The following SFMBT2 variants were observed in gnomAD, a reference collection of about 807,000 sequenced individuals.
SFMBT2 encodes the protein Scm like with four mbt domains 2.
SFMBT2 carries 38 observed loss-of-function variants against 110.1 expected under a neutral mutation model. The observed-to-expected ratio is 0.35, with a 90% CI of 0.27 to 0.45. SFMBT2 has a LOEUF of 0.45. Among genes scored for constraint, SFMBT2 ranks in the 20% least tolerant of loss-of-function variants. The pLI, the probability that SFMBT2 is intolerant of heterozygous loss-of-function variation, is 1.00. For synonymous variants in SFMBT2, 425 were observed against 425.4 expected (o/e 1.00, Z 0.01); for missense variants, 1,011 against 1,094.9 (o/e 0.92, Z 1.08).
At chr10:7,389,557 C>CTA (rs1845712979) in intron 1 of SFMBT2, among the ~76,000 whole-genome samples, 1 of 152,184 alleles carries the variant, frequency 6.6e-6, no homozygotes, top group Non-Finnish European at 1.5e-5. Flanking sequence ...GTTAACTCTA[C>CTA]TATAATAGGC....
intron 1 of SFMBT2, among the ~76,000 whole-genome samples, chr10:7,397,272 A>C (rs1373565348): frequency 6.6e-6 from 1 of 152,082 alleles, no homozygotes; most frequent in East Asian, 1.9e-4. Context: ...TGCCTTCAAG[A>C]GGTCCAAGAA....
At chr10:7,169,909 T>C (rs1276172749) in intron 20 of SFMBT2, among the ~76,000 whole-genome samples, 3 of 152,318 alleles carry the variant, frequency 2.0e-5, no homozygotes, top group Non-Finnish European at 2.9e-5. Context: ...TCGACTGTTA[T>C]TGCATTTGTC....
chr10:7,340,642 C>A (rs369775604), intron 4 of SFMBT2, among the ~76,000 whole-genome samples: 1,371 of 98,856 alleles, frequency 0.014, 18 homozygotes, highest in African/African-American at 0.052. Context: ...GGCAACAGAA[C>A]AAGAACCTAT....
Position 7,171,682 on chromosome 10 carries a change from G to T in SFMBT2, c.2415+213C>A. On this transcript the variant is annotated intron_variant, in intron 19 of 20. Coordinates refer to ENST00000397167, the MANE Select transcript of SFMBT2 (RefSeq NM_001387889.1). The surrounding 1 kb of genome is among the most constrained non-coding windows in gnomAD (Gnocchi z 4.9). ...TAAAGCCGTCCAGGAAAGAGGCGCT[G>T]TCTCCACCCTGGGCACTCCATTCTG... The T allele has an allele frequency of 1.4e-6, 1 of 725,454 alleles. No homozygotes were observed. Among genetic ancestry groups the T allele is most frequent in the Non-Finnish European group, 1.7e-6 (1 of 592,782 alleles). The allele number at this position is 725,454 out of a possible 1,614,324, so 44.9% of individuals were successfully genotyped here. A position where few individuals can be genotyped will look rare whatever the true frequency, so the allele number is the denominator to read the frequency against.
intron 7 of SFMBT2, among the ~76,000 whole-genome samples, chr10:7,261,917 A>G (rs1841217623): frequency 1.3e-5 from 2 of 152,264 alleles, no homozygotes; most frequent in Non-Finnish European, 2.9e-5. Context: ...GAGAAAGCTC[A>G]GGAATGAACA....
intron 10 of SFMBT2, among the ~76,000 whole-genome samples, chr10:7,220,826 CTT>C (rs372894766): frequency 6.8e-6 from 1 of 146,274 alleles, no homozygotes; most frequent in Non-Finnish European, 1.5e-5. Context: ...ACCCTTCCTT[CTT>C]TTTTTTTTTT....
At chr10:7,377,655 A>G (rs1845277672) in intron 2 of SFMBT2, among the ~76,000 whole-genome samples, 1 of 152,152 alleles carries the variant, frequency 6.6e-6, no homozygotes, top group African/African-American at 2.4e-5. Context: ...AGTTCACAAT[A>G]GGGGTCACAC....
At chr10:7,220,909 T>C (rs7907637) in intron 10 of SFMBT2, among the ~76,000 whole-genome samples, 139,068 of 151,572 alleles carry the variant, frequency 0.92, 63,828 homozygotes, top group Admixed American at 0.93. Flanking sequence ...TCACTGCCAG[T>C]TCCGCCTCCC....
chr10:7,269,707 AGTGTGTGCGTGTGTGTGTGTGT>A (rs200770291), intron 7 of SFMBT2, among the ~76,000 whole-genome samples: 19,787 of 146,338 alleles, frequency 0.14, 1,764 homozygotes, highest in South Asian at 0.35. Context: ...AAAGCAAGTA[AGTGTGTGCGTGTGTGTGTGTGT>A]GTGTGTGTGT....
chr10:7,340,880 T>C (rs894462344), intron 4 of SFMBT2, among the ~76,000 whole-genome samples: 2 of 151,572 alleles, frequency 1.3e-5, no homozygotes, highest in South Asian at 2.1e-4. Context: ...AGGGATTCTT[T>C]GGGGTACACA....
At chr10:7,213,905 T>C (rs1269397505) in intron 11 of SFMBT2, among the ~76,000 whole-genome samples, 1 of 152,160 alleles carries the variant, frequency 6.6e-6, no homozygotes, top group South Asian at 2.1e-4. Flanking sequence ...TGGGCACAGA[T>C]GGCTGAAGAG....
intron 4 of SFMBT2, among the ~76,000 whole-genome samples, chr10:7,337,971 C>A (rs1843768328): frequency 6.6e-6 from 1 of 152,228 alleles, no homozygotes; most frequent in African/African-American, 2.4e-5. Context: ...AACTCTGCTG[C>A]ACATCTGCTA....
In SFMBT2 at chr10:7,182,536, C is replaced by A. The variant is rs189868699; in HGVS notation, c.1808+6088G>T. On this transcript the variant is annotated intron_variant, in intron 16 of 20. Coordinates refer to ENST00000397167, the MANE Select transcript of SFMBT2 (RefSeq NM_001387889.1). ...TATACACCATGGACTACTATGCAGCCATAAAAAATGATGAGTTCATGTCCT... is the reference window on the plus strand; with the variant it reads ...TATACACCATGGACTACTATGCAGCAATAAAAAATGATGAGTTCATGTCCT... Among the ~76,000 whole-genome samples the A allele has an allele frequency of 6.1e-3, 926 of 152,090 alleles. 7 individuals carry two copies. The highest frequency in any genetic ancestry group is 0.021 in the African/African-American group (890 of 41,470).
At chr10:7,176,975 C>A (rs1369707842) in intron 16 of SFMBT2, among the ~76,000 whole-genome samples, 11 of 152,088 alleles carry the variant, frequency 7.2e-5, no homozygotes, top group Non-Finnish European at 1.6e-4. Context: ...ATGCCGCTTG[C>A]CATACTCTGC....
At chr10:7,209,729 G>A (rs1839273118) in intron 11 of SFMBT2, among the ~76,000 whole-genome samples, 2 of 152,236 alleles carry the variant, frequency 1.3e-5, no homozygotes, top group South Asian at 2.1e-4. Context: ...TACTAACACA[G>A]TGGGTGTCCA....
chr10:7,237,826 G>A (rs1038099988), intron 9 of SFMBT2, among the ~76,000 whole-genome samples: 4 of 152,210 alleles, frequency 2.6e-5, no homozygotes, highest in African/African-American at 9.6e-5. Flanking sequence ...GGAAGGAGAT[G>A]CAAATGTTGG....
intron 4 of SFMBT2, among the ~76,000 whole-genome samples, chr10:7,351,529 C>T (rs1360083855): frequency 1.3e-5 from 2 of 152,130 alleles, no homozygotes; most frequent in Non-Finnish European, 2.9e-5. Context: ...AGCCCAGGTT[C>T]GCACGTTTAA....
intron 2 of SFMBT2, among the ~76,000 whole-genome samples, chr10:7,376,717 G>A (rs373344810): frequency 4.7e-3 from 49 of 10,386 alleles, no homozygotes; most frequent in African/African-American, 5.8e-3. Context: ...AAAAAAAAAA[G>A]GCCCTCCCAC....
intron 4 of SFMBT2, among the ~76,000 whole-genome samples, chr10:7,318,628 C>T (rs1375316451): frequency 6.6e-6 from 1 of 152,230 alleles, no homozygotes; most frequent in East Asian, 1.9e-4. Context: ...ATCAGTCATA[C>T]TGATAGAAGA....
Sources: gnomAD v4.1 joint callset for allele counts (sites outside exome capture counted in the v4.1 genomes callset) on GRCh38, gnomAD v4.1.1 for gene constraint, Gnocchi (gnomAD v3.1) non-coding constraint, MANE v1.5 for transcripts, NCBI Gene and HGNC (gene_info 2026-07-23, HGNC 2026-07-21) for gene names.